The following SPRED2 variants were observed in gnomAD, a reference collection of about 807,000 sequenced individuals.
SPRED2 encodes sprouty related EVH1 domain containing 2.
SPRED2 carries 47 observed loss-of-function variants against 43.0 expected under a neutral mutation model. The ratio of observed to expected loss-of-function variants is 1.09; its 90% CI spans 0.87 to 1.40. SPRED2 has a LOEUF of 1.40. Ranked by LOEUF, SPRED2 falls within the 40% of genes most tolerant of loss-of-function variation. The pLI is 0.00. For missense variants in SPRED2, 561 were observed against 586.4 expected (o/e 0.96, Z 0.45); for synonymous variants, 225 against 225.7 (o/e 1.00, Z 0.03).
At chr2:65,383,146 T>C (rs1047374713) in intron 1 of SPRED2, among the ~76,000 whole-genome samples, 8 of 152,144 alleles carry the variant, frequency 5.3e-5, no homozygotes, top group African/African-American at 1.9e-4. Context: ...GCACAAAAAG[T>C]AGGAGAGCAA....
At chr2:65,324,774 G>A (rs1673556046) in intron 4 of SPRED2, among the ~76,000 whole-genome samples, 1 of 152,126 alleles carries the variant, frequency 6.6e-6, no homozygotes, top group African/African-American at 2.4e-5. Flanking sequence ...GTCCATTCTG[G>A]GATGGAATCC....
chr2:65,334,982 T>C (rs1445431260), intron 2 of SPRED2, among the ~76,000 whole-genome samples: 1 of 152,228 alleles, frequency 6.6e-6, no homozygotes, highest in Admixed American at 6.5e-5. Context: ...CTGTCCTGGT[T>C]GTACCCCTTC....
chr2:65,353,789 A>C (rs1674573209), intron 1 of SPRED2, among the ~76,000 whole-genome samples: 1 of 152,198 alleles, frequency 6.6e-6, no homozygotes, highest in Non-Finnish European at 1.5e-5. Flanking sequence ...TCCTAATTTA[A>C]ATATAAATAT....
At position 65,384,100 on chromosome 2, in the gene SPRED2, C is replaced by T. The variant is rs1285452836; in HGVS notation, c.27-39204G>A. ...GCATTCTTGATGTGCAGGATCTGCT[C>T]AGCTAGAAGCCTCAGCCACCTGCAA... On this transcript the variant is annotated intron_variant, in intron 1 of 5. Transcript: ENST00000356388. Among the ~76,000 whole-genome samples the T allele has an allele frequency of 2.0e-5, 3 of 148,704 alleles. No homozygotes were observed. In the Admixed American group the frequency reaches 2.0e-4, roughly 10 times the overall value.
chr2:65,369,783 G>A (rs1468816988), intron 1 of SPRED2, among the ~76,000 whole-genome samples: 3 of 152,234 alleles, frequency 2.0e-5, no homozygotes, highest in African/African-American at 7.2e-5. Flanking sequence ...CTGGGCCTGG[G>A]TGAGGCCATT....
chr2:65,399,217 C>T (rs1376849013), intron 1 of SPRED2, among the ~76,000 whole-genome samples: 5 of 147,330 alleles, frequency 3.4e-5, no homozygotes, highest in South Asian at 2.2e-4. Flanking sequence ...TGCGGTGAGC[C>T]GAGATCACGC....
chr2:65,344,390 C>A (rs1674278071), intron 2 of SPRED2: 1 of 404,760 alleles, frequency 2.5e-6, no homozygotes, highest in Non-Finnish European at 4.8e-6. Flanking sequence ...CAGCTCAGTA[C>A]AATGTGATTC....
intron 1 of SPRED2, among the ~76,000 whole-genome samples, chr2:65,390,743 C>T (rs1675614301): frequency 6.6e-6 from 1 of 152,184 alleles, no homozygotes; most frequent in South Asian, 2.1e-4. Context: ...CACATTTACT[C>T]TTTCCCTGTA....
intron 1 of SPRED2, among the ~76,000 whole-genome samples, chr2:65,363,149 G>T (rs1674874105): frequency 6.8e-6 from 1 of 146,832 alleles, no homozygotes; most frequent in South Asian, 2.1e-4. Context: ...TGAGGCAGGA[G>T]AATCACTTGA....
chr2:65,423,940 C>T (rs958198838), intron 1 of SPRED2, among the ~76,000 whole-genome samples: 25 of 152,078 alleles, frequency 1.6e-4, no homozygotes, highest in Non-Finnish European at 1.5e-4. Flanking sequence ...CAGGCATGTG[C>T]TAGCATGCTC....
chr2:65,339,101 C>G (rs61100746), intron 2 of SPRED2, among the ~76,000 whole-genome samples: 51,281 of 73,496 alleles, frequency 0.7, 16,410 homozygotes, highest in Admixed American at 0.78. Flanking sequence ...GGAGGTTGGG[C>G]GGGGGGTCAG....
intron 1 of SPRED2, among the ~76,000 whole-genome samples, chr2:65,351,850 C>T (rs970526206): frequency 1.3e-5 from 2 of 152,230 alleles, no homozygotes; most frequent in Admixed American, 6.5e-5. Flanking sequence ...TGTGGGTGTT[C>T]GTCTTAAGTA....
intron 1 of SPRED2, among the ~76,000 whole-genome samples, chr2:65,393,176 G>A (rs1452773675): frequency 2.0e-5 from 3 of 152,072 alleles, no homozygotes; most frequent in Non-Finnish European, 4.4e-5. Flanking sequence ...GATAGATGCA[G>A]TACTATTGTA....
At chr2:65,426,219 A>C (rs1398934144) in intron 1 of SPRED2, among the ~76,000 whole-genome samples, 1 of 152,180 alleles carries the variant, frequency 6.6e-6, no homozygotes. Flanking sequence ...GATCACTACC[A>C]CCAGATAGTT....
At chr2:65,390,820 T>A (rs1675616607) in intron 1 of SPRED2, among the ~76,000 whole-genome samples, 1 of 152,176 alleles carries the variant, frequency 6.6e-6, no homozygotes, top group African/African-American at 2.4e-5. Context: ...GCACAGTGGC[T>A]CATGCCTGTA....
At chr2:65,412,255 C>T (rs561402377) in intron 1 of SPRED2, among the ~76,000 whole-genome samples, 5 of 152,240 alleles carry the variant, frequency 3.3e-5, no homozygotes, top group East Asian at 3.9e-4. Context: ...ATTTCAAAAA[C>T]GCAGATTCCC....
chr2:65,431,031 T>A (rs1676672221), intron 1 of SPRED2, among the ~76,000 whole-genome samples: 1 of 151,148 alleles, frequency 6.6e-6, no homozygotes, highest in Non-Finnish European at 1.5e-5. Flanking sequence ...GGAGGGAAAA[T>A]GCCAAACTGG....
chr2:65,353,453 T>A (rs1347598726), intron 1 of SPRED2, among the ~76,000 whole-genome samples: 1 of 152,230 alleles, frequency 6.6e-6, no homozygotes, highest in East Asian at 1.9e-4. Flanking sequence ...GGTCAGCATA[T>A]AAATGATTAT....
intron 1 of SPRED2, among the ~76,000 whole-genome samples, chr2:65,354,338 C>T (rs62139120): frequency 0.075 from 11,428 of 152,214 alleles, 612 homozygotes; most frequent in Non-Finnish European, 0.11. Flanking sequence ...ATTAGCAATG[C>T]CCAGGCACAC....
Sources: allele counts gnomAD v4.1 joint callset (sites outside exome capture counted in the v4.1 genomes callset), GRCh38; gene constraint gnomAD v4.1.1; transcripts MANE v1.5; gene names NCBI Gene and HGNC (gene_info 2026-07-23, HGNC 2026-07-21).